Variants in LRRIQ1 observed in about 807,000 individuals in gnomAD.
LRRIQ1 encodes leucine rich repeats and IQ motif containing 1.
A neutral mutation model predicts 211.9 loss-of-function variants in LRRIQ1; 210 were observed. The ratio of observed to expected loss-of-function variants is 0.99; its 90% CI spans 0.89 to 1.11. LRRIQ1 has a LOEUF of 1.11. Among genes scored for constraint, LRRIQ1 ranks in the 50% most tolerant of loss-of-function variants. The pLI, the probability that LRRIQ1 is intolerant of heterozygous loss-of-function variation, is 0.00. For missense variants in LRRIQ1, 2,136 were observed against 1,939.5 expected (o/e 1.10, Z -1.90); for synonymous variants, 699 against 650.1 (o/e 1.08, Z -1.14).
chr12:85,189,983 G>T (rs1452361380), intron 24 of LRRIQ1, among the ~76,000 whole-genome samples: 6 of 139,242 alleles, frequency 4.3e-5, no homozygotes, highest in South Asian at 2.2e-4. Context: ...TAATATAACA[G>T]TATATTATAT....
chr12:85,047,533 A>T, intron 6 of LRRIQ1, 63 bp downstream of exon 6: 1 of 1,374,172 alleles, frequency 7.3e-7, no homozygotes, highest in Non-Finnish European at 1.0e-6. Flanking sequence ...GAATATTGAT[A>T]TTTGGATTGT....
At chr12:85,054,551 A>G (rs749975357) in intron 7 of LRRIQ1, among the ~76,000 whole-genome samples, 8 of 152,260 alleles carry the variant, frequency 5.3e-5, no homozygotes, top group Non-Finnish European at 8.8e-5. Context: ...AGGAACTCCT[A>G]CTAGTCATAT....
intron 16 of LRRIQ1, among the ~76,000 whole-genome samples, chr12:85,123,580 C>A (rs1888139754): frequency 6.6e-6 from 1 of 152,054 alleles, no homozygotes; most frequent in Non-Finnish European, 1.5e-5. Context: ...TACTTGAATT[C>A]TCTTTGCAAT....
At position 85,121,795 on chromosome 12, in the gene LRRIQ1, G is replaced by T; in HGVS notation, c.3476G>T (p.Gly1159Val). 1 of 1,607,812 alleles carries T rather than the reference G, an allele frequency of 6.2e-7. No individual in the cohort carries two copies. ...CGCACTGAAGAACACAATCAACTGG[G>T]ATCAGCAGGTTTCCTGGCACTTTGT... Reference protein sequence around the residue: ...ESRTEEHNQLGSAGFLALCQS... With the variant: ...ESRTEEHNQLVSAGFLALCQS... Residue 1159 changes from glycine (G) to valine (V), a missense_variant, in exon 16 of 27, where the codon GGA becomes GTA. Coordinates refer to ENST00000393217, the MANE Select transcript of LRRIQ1 (RefSeq NM_001079910.2).
intron 23 of LRRIQ1, among the ~76,000 whole-genome samples, chr12:85,160,306 C>A (rs930162128): frequency 1.3e-5 from 2 of 151,996 alleles, no homozygotes; most frequent in Admixed American, 1.3e-4. Flanking sequence ...CCTTTTCCTA[C>A]CTGTTTCTTA....
chr12:85,111,625 G>A (rs1300163609), intron 15 of LRRIQ1, among the ~76,000 whole-genome samples: 1 of 152,078 alleles, frequency 6.6e-6, no homozygotes, highest in Non-Finnish European at 1.5e-5. Context: ...TTTTTAGTGA[G>A]CAATAGAGAA....
At position 85,127,361 on chromosome 12, in the gene LRRIQ1, G is replaced by T. The variant is rs145555094; in HGVS notation, c.4008-471G>T. 7.9e-4 allele frequency among the ~76,000 whole-genome samples: 120 copies of T among 152,234 alleles called. 1 individual carries two copies. The highest frequency in any genetic ancestry group is 2.9e-3 in the African/African-American group (120 of 41,500). Reference sequence around the variant, plus strand: ...GTTTGTGGGCAGAGAAGAAAGTGAAGCTCCTAAGCACCTGATAGGGTCCTT... The same window carrying T: ...GTTTGTGGGCAGAGAAGAAAGTGAATCTCCTAAGCACCTGATAGGGTCCTT... On this transcript the variant is annotated intron_variant, in intron 17 of 26. Coordinates refer to ENST00000393217, the MANE Select transcript of LRRIQ1 (RefSeq NM_001079910.2).
chr12:85,143,364 T>C (rs962975573), intron 19 of LRRIQ1, among the ~76,000 whole-genome samples: 4 of 151,778 alleles, frequency 2.6e-5, no homozygotes, highest in Non-Finnish European at 4.4e-5. Context: ...TAACCTCTTA[T>C]CAGATATATG....
At chr12:85,260,329 A>G (rs2137333397) in intron 1 of LRRIQ1, among the ~76,000 whole-genome samples, 1 of 152,090 alleles carries the variant, frequency 6.6e-6, no homozygotes, top group East Asian at 1.9e-4. Flanking sequence ...AATAAATAAA[A>G]TGAAGAAAAC....
chr12:85,189,076 A>C (rs761619703), intron 24 of LRRIQ1, among the ~76,000 whole-genome samples: 5 of 152,152 alleles, frequency 3.3e-5, no homozygotes, highest in African/African-American at 4.8e-5. Context: ...TCGTAAGATT[A>C]AGTTAAAGTA....
chr12:85,232,916 C>T, intron 26 of LRRIQ1, 160 bp downstream of exon 26: 1 of 553,968 alleles, frequency 1.8e-6, no homozygotes, highest in Non-Finnish European at 3.1e-6. Flanking sequence ...AACATGTTTT[C>T]TTGACTTGTA....
intron 16 of LRRIQ1, 44 bp downstream of exon 16, chr12:85,121,920 G>A (rs1232518161): frequency 5.0e-6 from 7 of 1,403,894 alleles, no homozygotes; most frequent in East Asian, 2.5e-5. Flanking sequence ...AATCAATAAT[G>A]TAATTTATAA....
chr12:85,137,812 C>G (rs746112408), intron 18 of LRRIQ1, 38 bp from the exon 19 acceptor site: 1 of 1,536,580 alleles, frequency 6.5e-7, no homozygotes, highest in Admixed American at 2.2e-5. Flanking sequence ...AGGGTTTGAT[C>G]TATAACTTTG....
chr12:85,215,210 T>C (rs1260621268), intron 24 of LRRIQ1, among the ~76,000 whole-genome samples: 1 of 152,174 alleles, frequency 6.6e-6, no homozygotes, highest in Non-Finnish European at 1.5e-5. Flanking sequence ...TTGGAATATA[T>C]TATAATTTGG....
the LRRIQ1 span, among the ~76,000 whole-genome samples, chr12:85,272,328 T>C: frequency 1.1e-3 from 166 of 152,302 alleles, 1 homozygote; most frequent in African/African-American, 3.8e-3. Flanking sequence ...GAGTAATTGG[T>C]TATTTAGATT....
At chr12:85,127,266 T>C (rs931633308) in intron 17 of LRRIQ1, among the ~76,000 whole-genome samples, 1 of 152,300 alleles carries the variant, frequency 6.6e-6, no homozygotes, top group East Asian at 1.9e-4. Context: ...GTGCCTGAAA[T>C]TGGCAAATAG....
At chr12:85,267,973 CT>C (rs1288612136), downstream of LRRIQ1, among the ~76,000 whole-genome samples, 1 of 151,906 alleles carries the variant, frequency 6.6e-6, no homozygotes, top group Non-Finnish European at 1.5e-5. Context: ...TGAGAAGCCC[CT>C]GGCCTAATAT....
intron 24 of LRRIQ1, among the ~76,000 whole-genome samples, chr12:85,187,278 A>G (rs929223235): frequency 4.6e-5 from 7 of 152,158 alleles, no homozygotes; most frequent in Non-Finnish European, 1.0e-4. Context: ...ATAATGTGGA[A>G]TCATTTGTTT....
rs1354751654 is a variant in LRRIQ1, at chr12:85,162,724, C to T, written c.4822+2010C>T. 1.5e-5 allele frequency: 7 copies of T among 454,694 alleles called. No individual in the cohort carries two copies. In the Admixed American group the frequency reaches 1.7e-4, roughly 11 times the overall value. The allele number at this position is 454,694 out of a possible 1,614,324, so 28.2% of individuals were successfully genotyped here. ...ATAAAACATTTCCACATAAGCTTTA[C>T]GATGTGATGTTCTATGATTTTGTTT... On this transcript the variant is annotated intron_variant, in intron 24 of 26. Coordinates refer to ENST00000393217, the MANE Select transcript of LRRIQ1 (RefSeq NM_001079910.2).
Sources: allele counts gnomAD v4.1 joint callset (sites outside exome capture counted in the v4.1 genomes callset), GRCh38; gene constraint gnomAD v4.1.1; transcripts MANE v1.5; gene names NCBI Gene and HGNC (gene_info 2026-07-23, HGNC 2026-07-21).